Variants in ZPBP observed in about 807,000 individuals in gnomAD.
The protein encoded by ZPBP is zona pellucida binding protein.
In ZPBP, 26 loss-of-function variants were observed where a neutral mutation model predicts 44.8. That is an observed-to-expected ratio of 0.58 (90% confidence interval 0.43 to 0.81). The LOEUF (loss-of-function observed/expected upper bound fraction) is 0.81, where lower values mean the gene tolerates loss of function less well. Ranked by LOEUF, ZPBP falls within the 30% of genes least tolerant of loss-of-function variation. The probability of loss-of-function intolerance (pLI) is 0.00; values close to 1 mark genes in which losing one functional copy is unlikely to be tolerated. For synonymous variants in ZPBP, 174 were observed against 153.2 expected, an observed-to-expected ratio of 1.14 and a Z score of -1.00; for missense variants, 409 against 434.0, an observed-to-expected ratio of 0.94 and a Z score of 0.51.
chr7:50,076,761 GA>G (rs201594945), intron 3 of ZPBP, among the ~76,000 whole-genome samples: 4 of 148,956 alleles, frequency 2.7e-5, no homozygotes, highest in African/African-American at 7.4e-5. Context: ...ATCCAAAGAT[GA>G]AAAAAAAAAT....
chr7:49,911,085 G>A (rs1337105537), intron 1 of ZPBP, among the ~76,000 whole-genome samples: 1 of 152,182 alleles, frequency 6.6e-6, no homozygotes, highest in African/African-American at 2.4e-5. Context: ...GAAGGTCTTA[G>A]TTATGCTTTT....
chr7:49,866,430 G>A (rs7803337), intron 2 of ZPBP, among the ~76,000 whole-genome samples: 5,023 of 152,276 alleles, frequency 0.033, 119 homozygotes, highest in Non-Finnish European at 0.051. Context: ...GTGGTCTCAG[G>A]CTTGCGAGTG....
intron 2 of ZPBP, among the ~76,000 whole-genome samples, chr7:49,892,936 A>T (rs931226169): frequency 1.8e-5 from 2 of 110,996 alleles, no homozygotes; most frequent in African/African-American, 6.7e-5. Context: ...TTCTGAAAAG[A>T]TCTTCAATGA....
chr7:49,985,641 CAAAA>C (rs199820024), intron 6 of ZPBP, among the ~76,000 whole-genome samples: 22 of 120,770 alleles, frequency 1.8e-4, no homozygotes, highest in East Asian at 2.3e-4. Flanking sequence ...ATACCCCATG[CAAAA>C]AAAAAAAAAA....
At chr7:50,010,901 G>T (rs1798537615) in intron 6 of ZPBP, among the ~76,000 whole-genome samples, 2 of 76,506 alleles carry the variant, frequency 2.6e-5, no homozygotes, top group African/African-American at 5.7e-5. Context: ...GCCAAAGCAA[G>T]ACCAAGCAAA....
chr7:50,029,845 CTGTTGTTGT>C (rs140686848), intron 5 of ZPBP, among the ~76,000 whole-genome samples: 30 of 147,334 alleles, frequency 2.0e-4, no homozygotes, highest in Admixed American at 3.5e-4. Context: ...GTTGTTGTTG[CTGTTGTTGT>C]TGTTGTTGTT....
At chr7:50,045,380 T>C (rs528870085) in intron 4 of ZPBP, among the ~76,000 whole-genome samples, 1 of 152,356 alleles carries the variant, frequency 6.6e-6, no homozygotes, top group Non-Finnish European at 1.5e-5. Flanking sequence ...GCAGATGACA[T>C]GATTTTATAT....
intron 2 of ZPBP, among the ~76,000 whole-genome samples, chr7:49,860,314 C>G (rs951585755): frequency 3.3e-5 from 5 of 152,196 alleles, no homozygotes; most frequent in African/African-American, 1.2e-4. Context: ...TAAAAATTTA[C>G]CTGTTCTAGC....
intron 3 of ZPBP, among the ~76,000 whole-genome samples, chr7:50,064,650 A>T (rs1444295429): frequency 6.6e-6 from 1 of 152,238 alleles, no homozygotes; most frequent in African/African-American, 2.4e-5. Context: ...CTTTTGAAAG[A>T]AGAGAAATAT....
At chr7:49,972,132 A>T (rs1237724080) in intron 7 of ZPBP, among the ~76,000 whole-genome samples, 1 of 151,794 alleles carries the variant, frequency 6.6e-6, no homozygotes, top group African/African-American at 2.4e-5. Flanking sequence ...TTCACAGCTA[A>T]CATCACATTC....
intron 7 of ZPBP, among the ~76,000 whole-genome samples, chr7:49,979,242 G>C (rs1271658010): frequency 6.6e-5 from 10 of 150,620 alleles, no homozygotes; most frequent in Non-Finnish European, 1.5e-4. Context: ...TTGAACCCTT[G>C]TGATCTATCC....
intron 1 of ZPBP, among the ~76,000 whole-genome samples, chr7:49,931,562 C>A (rs1425859444): frequency 6.6e-6 from 1 of 152,076 alleles, no homozygotes; most frequent in Non-Finnish European, 1.5e-5. Context: ...TTTACGGTAC[C>A]CAGTGGAAGA....
At chr7:49,910,236 G>A (rs1018863011) in intron 1 of ZPBP, among the ~76,000 whole-genome samples, 2 of 152,170 alleles carry the variant, frequency 1.3e-5, no homozygotes, top group East Asian at 1.9e-4. Flanking sequence ...GGGCGAACTC[G>A]AAAACCACCA....
chr7:49,979,679 G>A (rs1049295949), intron 7 of ZPBP, among the ~76,000 whole-genome samples: 2 of 150,302 alleles, frequency 1.3e-5, no homozygotes, highest in Non-Finnish European at 3.0e-5. Context: ...TATAATTGAG[G>A]AGATGCAAAT....
chr7:50,049,530 A>C (rs886194947), intron 4 of ZPBP, among the ~76,000 whole-genome samples: 1 of 152,024 alleles, frequency 6.6e-6, no homozygotes, highest in Non-Finnish European at 1.5e-5. Flanking sequence ...CATGTAACAA[A>C]CCATAGTAAT....
At chr7:49,919,261 A>G (rs1793893844) in intron 1 of ZPBP, 1 of 152,170 alleles carries the variant, frequency 6.6e-6, no homozygotes, top group Admixed American at 6.5e-5. Flanking sequence ...TGATAGAGTC[A>G]TATATGGTCT....
At chr7:50,003,831 T>A (rs1038835066) in intron 6 of ZPBP, among the ~76,000 whole-genome samples, 1 of 151,778 alleles carries the variant, frequency 6.6e-6, no homozygotes, top group African/African-American at 2.4e-5. Flanking sequence ...GAAAAAAAAT[T>A]GCACATTCCA....
chr7:50,042,294 GC>G (rs1800132885), intron 4 of ZPBP, among the ~76,000 whole-genome samples: 1 of 152,072 alleles, frequency 6.6e-6, no homozygotes, highest in African/African-American at 2.4e-5. Flanking sequence ...AGCAAGACAG[GC>G]CAACATTCAA....
At chr7:49,980,061 ATT>A (rs1796741226) in intron 7 of ZPBP, among the ~76,000 whole-genome samples, 1 of 88,358 alleles carries the variant, frequency 1.1e-5, no homozygotes, top group African/African-American at 4.8e-5. Flanking sequence ...ATAATTTTAT[ATT>A]ATATTATAAT....
Sources: gnomAD v4.1 joint callset for allele counts (sites outside exome capture counted in the v4.1 genomes callset) on GRCh38, gnomAD v4.1.1 for gene constraint, MANE v1.5 for transcripts, NCBI Gene and HGNC (gene_info 2026-07-23, HGNC 2026-07-21) for gene names.